Variants in RAB38 observed in about 807,000 individuals in gnomAD.
The protein encoded by RAB38 is ras-related protein Rab-38.
Under a neutral mutation model 18.4 loss-of-function variants are expected in RAB38, and 15 were observed. The observed-to-expected ratio is 0.82, with a 90% CI of 0.55 to 1.26. The LOEUF (loss-of-function observed/expected upper bound fraction) is 1.26, where lower values mean the gene tolerates loss of function less well. Among genes scored for constraint, RAB38 ranks in the 50% most tolerant of loss-of-function variants. The pLI, the probability that RAB38 is intolerant of heterozygous loss-of-function variation, is 0.00. For missense variants in RAB38, 294 were observed against 267.4 expected, an observed-to-expected ratio of 1.10 and a Z score of -0.69; for synonymous variants, 101 against 104.4, an observed-to-expected ratio of 0.97 and a Z score of 0.20.
chr11:87,893,286 T>TTGTGTGTG, the RAB38 span, among the ~76,000 whole-genome samples: 1 of 139,202 alleles, frequency 7.2e-6, no homozygotes, highest in Non-Finnish European at 1.5e-5. Flanking sequence ...TTTCCAGATT[T>TTGTGTGTG]TGTGTGTGTG....
the RAB38 span, among the ~76,000 whole-genome samples, chr11:87,945,749 T>C: frequency 6.6e-6 from 1 of 152,186 alleles, no homozygotes; most frequent in African/African-American, 2.4e-5. Flanking sequence ...CCTAAGGTTA[T>C]GAAAATATCC....
At chr11:87,908,223 A>G in the RAB38 span, among the ~76,000 whole-genome samples, 5 of 151,918 alleles carry the variant, frequency 3.3e-5, no homozygotes, top group African/African-American at 1.2e-4. Flanking sequence ...GCAAAATGGG[A>G]AAGATCAAAG....
At chr11:88,084,287 T>C in the RAB38 span, among the ~76,000 whole-genome samples, 12 of 151,622 alleles carry the variant, frequency 7.9e-5, no homozygotes, top group Non-Finnish European at 1.8e-4. Context: ...GTGGATAGTG[T>C]TGCATTGGAA....
chr11:87,958,356 G>C, the RAB38 span, among the ~76,000 whole-genome samples: 2 of 152,182 alleles, frequency 1.3e-5, no homozygotes, highest in Non-Finnish European at 2.9e-5. Context: ...GGTAACCCAA[G>C]TTAAGAAGCA....
At chr11:88,053,138 A>ACAC in the RAB38 span, among the ~76,000 whole-genome samples, 8 of 58,104 alleles carry the variant, frequency 1.4e-4, no homozygotes, top group Non-Finnish European at 2.6e-4. Context: ...TTATATATAC[A>ACAC]ATATATATGG....
chr11:87,918,773 C>G, the RAB38 span, among the ~76,000 whole-genome samples: 1 of 151,758 alleles, frequency 6.6e-6, no homozygotes, highest in Non-Finnish European at 1.5e-5. Flanking sequence ...AATATTAAGT[C>G]TTTATCAGAT....
At chr11:87,921,796 T>G in the RAB38 span, among the ~76,000 whole-genome samples, 1 of 151,896 alleles carries the variant, frequency 6.6e-6, no homozygotes, top group East Asian at 2.0e-4. Context: ...AGAGCCTTTT[T>G]TTTTCTCAGA....
chr11:88,147,668 G>T (rs566692340), intron 2 of RAB38, among the ~76,000 whole-genome samples: 166 of 152,044 alleles, frequency 1.1e-3, no homozygotes, highest in African/African-American at 3.9e-3. Context: ...TGAGGAAGGC[G>T]GATCACGAGG....
At chr11:87,862,624 A>G in the RAB38 span, among the ~76,000 whole-genome samples, 3 of 151,846 alleles carry the variant, frequency 2.0e-5, no homozygotes, top group African/African-American at 2.4e-5. Context: ...AAGTTTACCT[A>G]TGTAACAAAC....
the RAB38 span, among the ~76,000 whole-genome samples, chr11:87,875,748 A>T: frequency 6.6e-6 from 1 of 151,598 alleles, no homozygotes; most frequent in East Asian, 1.9e-4. Context: ...TTAGCTCAAT[A>T]ACATTTTATT....
chr11:88,149,109 T>G (rs1008043327), intron 2 of RAB38, among the ~76,000 whole-genome samples: 1 of 152,166 alleles, frequency 6.6e-6, no homozygotes, highest in Non-Finnish European at 1.5e-5. Flanking sequence ...CTCCTGCCAC[T>G]TTTCTGCCAT....
the RAB38 span, among the ~76,000 whole-genome samples, chr11:88,034,280 C>T: frequency 6.6e-6 from 1 of 152,118 alleles, no homozygotes; most frequent in South Asian, 2.1e-4. Flanking sequence ...AGTTTGTTTA[C>T]AGTTTTGGGT....
chr11:87,910,628 A>ATTTT, the RAB38 span, among the ~76,000 whole-genome samples: 4 of 74,188 alleles, frequency 5.4e-5, no homozygotes, highest in African/African-American at 2.4e-4. Context: ...TTCAAAGTTC[A>ATTTT]TTTTCTTTTT....
the RAB38 span, among the ~76,000 whole-genome samples, chr11:87,887,728 T>A: frequency 2.0e-5 from 3 of 151,928 alleles, no homozygotes; most frequent in South Asian, 2.1e-4. Context: ...GAAACATACA[T>A]CTAGCTAAAG....
the RAB38 span, among the ~76,000 whole-genome samples, chr11:87,944,064 G>T: frequency 6.6e-6 from 1 of 152,068 alleles, no homozygotes; most frequent in Non-Finnish European, 1.5e-5. Flanking sequence ...TAAGTTACAT[G>T]AATTCTTTGG....
chr11:88,114,941 C>T (rs1379389484), intron 2 of RAB38, among the ~76,000 whole-genome samples: 1 of 152,068 alleles, frequency 6.6e-6, no homozygotes, highest in East Asian at 1.9e-4. Context: ...CTAGACATTC[C>T]AGATGGATAT....
At chr11:88,134,190 A>T (rs1168976351) in intron 2 of RAB38, among the ~76,000 whole-genome samples, 6 of 152,108 alleles carry the variant, frequency 3.9e-5, no homozygotes, top group Non-Finnish European at 8.8e-5. Context: ...TCTCTTACCC[A>T]TTGATCCCTC....
chr11:88,129,955 A>C (rs1440944857), intron 2 of RAB38, among the ~76,000 whole-genome samples: 1 of 152,210 alleles, frequency 6.6e-6, no homozygotes, highest in Non-Finnish European at 1.5e-5. Context: ...ACAGCCATAA[A>C]TTTTGAACCA....
chr11:88,122,976 C>A (rs1942648689), intron 2 of RAB38, among the ~76,000 whole-genome samples: 1 of 152,202 alleles, frequency 6.6e-6, no homozygotes, highest in African/African-American at 2.4e-5. Context: ...TGAGCCTCTA[C>A]TCCTTAACTT....
Sources: allele counts gnomAD v4.1 joint callset (sites outside exome capture counted in the v4.1 genomes callset), GRCh38; gene constraint gnomAD v4.1.1; transcripts MANE v1.5; gene names NCBI Gene and HGNC (gene_info 2026-07-23, HGNC 2026-07-21).